Variants in ELFN2 observed in about 807,000 individuals in gnomAD.
ELFN2 encodes extracellular leucine rich repeat and fibronectin type III domain containing 2.
In ELFN2, 17 loss-of-function variants were observed where a neutral mutation model predicts 45.5. The observed-to-expected ratio is 0.37, with a 90% confidence interval of 0.26 to 0.56. The LOEUF (loss-of-function observed/expected upper bound fraction) is 0.56, where lower values mean the gene tolerates loss of function less well. ELFN2 is among the 20% of genes least tolerant of loss of function. The pLI is 0.77. For synonymous variants in ELFN2, 550 were observed against 551.5 expected, an observed-to-expected ratio of 1.00 and a Z score of 0.04; for missense variants, 922 against 1,183.2, an observed-to-expected ratio of 0.78 and a Z score of 3.24.
At chr22:37,377,303 T>C (rs933402467) in intron 2 of ELFN2, among the ~76,000 whole-genome samples, 13 of 152,016 alleles carry the variant, frequency 8.6e-5, no homozygotes, top group African/African-American at 3.1e-4. Context: ...CACCCTGTGC[T>C]CTCAACTATG....
intron 2 of ELFN2, among the ~76,000 whole-genome samples, chr22:37,383,575 G>C (rs925816387): frequency 3.9e-5 from 6 of 152,244 alleles, no homozygotes; most frequent in African/African-American, 9.6e-5. Context: ...TGTGTCACAG[G>C]GAAACAGGGA....
chr22:37,415,314 G>A (rs2145685672), intron 2 of ELFN2, among the ~76,000 whole-genome samples: 1 of 152,358 alleles, frequency 6.6e-6, no homozygotes, highest in East Asian at 1.9e-4. Flanking sequence ...GCCAGGGCTG[G>A]CTGAGCAGCT....
At position 37,381,955 on chromosome 22, in the gene ELFN2, CAAAAAAAAAAAAAAAAAAAAAA is replaced by C. The variant is rs1159476533; in HGVS notation, c.-462-5981_-462-5960del. On this transcript the variant is annotated intron_variant, in intron 2 of 2. Coordinates refer to ENST00000402918, the MANE Select transcript of ELFN2 (RefSeq NM_052906.5). ...TGGGCGACAGAGTGAGACTCCGTCTCAAAAAAAAAAAAAAAAAAAAAAAAAAAAAAAAAAAAGAATCTTCAAT... is the reference window on the plus strand; with the variant it reads ...TGGGCGACAGAGTGAGACTCCGTCTCAAAAAAAAAAAAAAGAATCTTCAAT... Among the ~76,000 whole-genome samples, 134 of 59,242 alleles carry C rather than the reference CAAAAAAAAAAAAAAAAAAAAAA, an allele frequency of 2.3e-3. 3 individuals carry two copies. The Middle Eastern group carries it at 0.056, about 25-fold the overall frequency. The allele number at this position is 59,242 out of a possible 152,430, so 38.9% of individuals were successfully genotyped here.
At chr22:37,422,435 A>G (rs133727) in intron 1 of ELFN2, among the ~76,000 whole-genome samples, 52,462 of 151,750 alleles carry the variant, frequency 0.35, 9,587 homozygotes, top group Non-Finnish European at 0.41. Flanking sequence ...GGCCAGGCAC[A>G]GTGGCTCACG....
At chr22:37,404,678 T>A in intron 2 of ELFN2, among the ~76,000 whole-genome samples, 1 of 152,236 alleles carries the variant, frequency 6.6e-6, no homozygotes, top group South Asian at 2.1e-4. Context: ...GCTGTTAAGA[T>A]GCTGGCCCGA....
chr22:37,405,398 A>G (rs1221656356), intron 2 of ELFN2, among the ~76,000 whole-genome samples: 1 of 151,886 alleles, frequency 6.6e-6, no homozygotes, highest in Non-Finnish European at 1.5e-5. Context: ...TGGCCACCTC[A>G]GCTTCTTAAA....
At chr22:37,406,549 G>A (rs1057446449) in intron 2 of ELFN2, among the ~76,000 whole-genome samples, 19 of 151,866 alleles carry the variant, frequency 1.3e-4, no homozygotes, top group Non-Finnish European at 2.4e-4. Flanking sequence ...ACAGCCACGC[G>A]TGTGCCGCCC....
intron 2 of ELFN2, among the ~76,000 whole-genome samples, chr22:37,412,310 GAAAA>G (rs1341718204): frequency 7.1e-6 from 1 of 141,668 alleles, no homozygotes; most frequent in Non-Finnish European, 1.5e-5. Context: ...GAAAGAAAAG[GAAAA>G]AAGAAAGAAA....
intron 2 of ELFN2, among the ~76,000 whole-genome samples, chr22:37,377,617 T>C (rs1421320987): frequency 1.3e-5 from 2 of 152,104 alleles, no homozygotes; most frequent in African/African-American, 2.4e-5. Flanking sequence ...GAGGTGGGGA[T>C]GGTGATAGGT....
chr22:37,405,822 G>GA (rs879482808), intron 2 of ELFN2, among the ~76,000 whole-genome samples: 199 of 136,282 alleles, frequency 1.5e-3, no homozygotes, highest in African/African-American at 4.7e-3. Context: ...CTCCCTTTAG[G>GA]AAAAAAAAAA....
intron 1 of ELFN2, among the ~76,000 whole-genome samples, chr22:37,349,306 C>T (rs1307527168): frequency 6.6e-6 from 1 of 151,172 alleles, no homozygotes; most frequent in East Asian, 1.9e-4. Flanking sequence ...CTGGACTCTC[C>T]CCACAGGGGC....
At chr22:37,390,052 G>A (rs1406907909) in intron 2 of ELFN2, among the ~76,000 whole-genome samples, 1 of 152,210 alleles carries the variant, frequency 6.6e-6, no homozygotes, top group Non-Finnish European at 1.5e-5. Flanking sequence ...ACTTAGATGA[G>A]TCCGAATTCT....
At chr22:37,399,189 G>T (rs56339571) in intron 2 of ELFN2, among the ~76,000 whole-genome samples, 1 of 151,696 alleles carries the variant, frequency 6.6e-6, no homozygotes, top group Admixed American at 6.6e-5. Flanking sequence ...GAGATTCCCC[G>T]GCCTGGAGTA....
chr22:37,412,487 T>C (rs1347637866), intron 2 of ELFN2, among the ~76,000 whole-genome samples: 1 of 151,890 alleles, frequency 6.6e-6, no homozygotes, highest in Non-Finnish European at 1.5e-5. Flanking sequence ...GCCCCCTACC[T>C]GATTGCAGGA....
Position 37,374,187 on chromosome 22 carries a change from C to T in ELFN2, c.1348G>A (p.Gly450Ser), listed in dbSNP as rs749986197. ...EMRYGADVDA[G>S]SIVHAAQKLG... is the part of the protein sequence containing the mutation. ...TTCTGGGCGGCGTGCACAATGGAGC[C>T]GGCATCCACATCAGCCCCGTAGCGC... The change falls in exon 3 of 3, where the codon GGC (glycine) becomes AGC (serine). Residue 450 changes from glycine (G) to serine (S), a missense_variant. This residue lies in a region of ELFN2 where 564 missense variants were observed against 642.8 expected (regional missense o/e 0.88). Coordinates refer to ENST00000402918, the MANE Select transcript of ELFN2 (RefSeq NM_052906.5). 6.2e-7 allele frequency: 1 copy of T among 1,613,490 alleles called. No homozygotes were observed. The highest frequency in any genetic ancestry group is 1.1e-5 in the South Asian group (1 of 91,090).
In ELFN2 at chr22:37,373,412, T is replaced by C. The variant is rs745636836; in HGVS notation, c.2123A>G (p.His708Arg). 8.2e-6 allele frequency: 13 copies of C among 1,587,556 alleles called. No homozygotes were observed. ...EVKPAYHCSE[H>R]RHSFPALYYE... ...GTACAGGGCGGGAAAGCTGTGCCGG[T>C]GCTCGCTGCAGTGGTAGGCCGGCTT... The change falls in exon 3 of 3, where the codon CAC (histidine) becomes CGC (arginine). Residue 708 changes from histidine to arginine, a missense_variant. Physicochemically the swap from His to Arg is conservative, Grantham distance 29. Around this residue, in one of 2 missense-constraint regions of ELFN2, gnomAD observed 564 missense variants for 642.8 expected, o/e 0.88. Transcript: ENST00000402918.
chr22:37,377,826 A>G (rs1332480215), intron 2 of ELFN2, among the ~76,000 whole-genome samples: 1 of 152,218 alleles, frequency 6.6e-6, no homozygotes, highest in Non-Finnish European at 1.5e-5. Context: ...TGGCTGTGCT[A>G]TGCAAAGGTC....
chr22:37,420,536 A>C (rs1239544045), intron 1 of ELFN2: 3 of 152,890 alleles, frequency 2.0e-5, no homozygotes, highest in Non-Finnish European at 4.4e-5. Flanking sequence ...AGGAAGGGAG[A>C]GGGAGGGCAT....
intron 1 of ELFN2, among the ~76,000 whole-genome samples, chr22:37,356,601 C>T (rs1432509354): frequency 1.3e-5 from 2 of 152,202 alleles, no homozygotes; most frequent in African/African-American, 2.4e-5. Context: ...TGCGCACCCA[C>T]CTCAGGTACG....
Sources: allele counts gnomAD v4.1 joint callset (sites outside exome capture counted in the v4.1 genomes callset), GRCh38; gene constraint gnomAD v4.1.1; regional missense constraint gnomAD v4.1.1; transcripts MANE v1.5; gene names NCBI Gene and HGNC (gene_info 2026-07-23, HGNC 2026-07-21).